Variants in SLC4A5 observed in about 807,000 individuals in gnomAD.
SLC4A5 encodes solute carrier family 4 member 5.
A neutral mutation model predicts 120.4 loss-of-function variants in SLC4A5; 96 were observed. The observed-to-expected ratio is 0.80, with a 90% CI of 0.68 to 0.94. SLC4A5 has a LOEUF of 0.94. Ranked by LOEUF, SLC4A5 falls within the 40% of genes least tolerant of loss-of-function variation. SLC4A5 has a pLI of 0.00. For missense variants in SLC4A5, 1,259 were observed against 1,459.5 expected (o/e 0.86, Z 2.24); for synonymous variants, 550 against 571.1 (o/e 0.96, Z 0.53).
intron 7 of SLC4A5, among the ~76,000 whole-genome samples, chr2:74,292,861 G>A (rs1672216381): frequency 6.6e-6 from 1 of 152,142 alleles, no homozygotes; most frequent in African/African-American, 2.4e-5. Context: ...CTCCCTGATG[G>A]GTGGCTACAC....
At chr2:74,221,579 T>G in intron 29 of SLC4A5, 78 bp from the exon 30 acceptor site, 5 of 1,412,624 alleles carry the variant, frequency 3.5e-6, no homozygotes, top group Non-Finnish European at 5.0e-6. Context: ...CACCATTTCC[T>G]TTCTTTTCCT....
chr2:74,244,466 T>TTCTC (rs1431623491), intron 19 of SLC4A5, among the ~76,000 whole-genome samples: 1 of 69,390 alleles, frequency 1.4e-5, no homozygotes, highest in Non-Finnish European at 2.6e-5. Flanking sequence ...TTCCTTTTCT[T>TTCTC]TCTCTTTCTT....
intron 8 of SLC4A5, among the ~76,000 whole-genome samples, chr2:74,268,843 TTTCC>T (rs1424646615): frequency 1.3e-5 from 2 of 152,264 alleles, no homozygotes; most frequent in Non-Finnish European, 2.9e-5. Context: ...TTGAACATCT[TTTCC>T]TTCATCAGAT....
At chr2:74,229,252 T>C (rs1016643853) in intron 25 of SLC4A5, among the ~76,000 whole-genome samples, 4 of 138,478 alleles carry the variant, frequency 2.9e-5, no homozygotes, top group Admixed American at 2.8e-4. Flanking sequence ...AAGGTGTTTT[T>C]TTTTTTTGGG....
chr2:74,242,538 A>G (rs1423158496), intron 19 of SLC4A5, among the ~76,000 whole-genome samples: 3 of 152,170 alleles, frequency 2.0e-5, no homozygotes, highest in Non-Finnish European at 2.9e-5. Context: ...GAGGTTATGT[A>G]ATTCATCCAA....
chr2:74,248,940 C>T (rs1262828262), intron 17 of SLC4A5, among the ~76,000 whole-genome samples: 1 of 152,220 alleles, frequency 6.6e-6, no homozygotes, highest in Non-Finnish European at 1.5e-5. Flanking sequence ...GATAACATAT[C>T]TTCATTCCAG....
intron 5 of SLC4A5, among the ~76,000 whole-genome samples, chr2:74,326,103 A>G (rs1250582156): frequency 9.2e-5 from 14 of 152,312 alleles, no homozygotes; most frequent in South Asian, 2.1e-4. Context: ...TGGTATTATA[A>G]TAAGTCCCTC....
intron 7 of SLC4A5, among the ~76,000 whole-genome samples, chr2:74,291,101 C>T (rs1672152585): frequency 6.6e-6 from 1 of 152,126 alleles, no homozygotes; most frequent in South Asian, 2.1e-4. Context: ...TGCTATGTAG[C>T]TGGTTTCTTT....
At chr2:74,236,191 T>C (rs1329620576) in intron 21 of SLC4A5, among the ~76,000 whole-genome samples, 1 of 152,216 alleles carries the variant, frequency 6.6e-6, no homozygotes, top group Non-Finnish European at 1.5e-5. Flanking sequence ...GTTCCCTCCA[T>C]GTCATTAACT....
intron 14 of SLC4A5, among the ~76,000 whole-genome samples, chr2:74,254,162 T>C (rs949618620): frequency 6.6e-6 from 1 of 152,196 alleles, no homozygotes; most frequent in Non-Finnish European, 1.5e-5. Flanking sequence ...TCAGCTCTGC[T>C]TACAGGCTCT....
At chr2:74,235,038 G>C (rs1233336219) in intron 22 of SLC4A5, 63 bp downstream of exon 22, 11 of 1,304,002 alleles carry the variant, frequency 8.4e-6, no homozygotes, top group Non-Finnish European at 1.2e-5. Flanking sequence ...AGCACAGAGG[G>C]GAAAGAATCT....
At position 74,262,010 on chromosome 2, in the gene SLC4A5, C is replaced by T. The variant is rs570712999; in HGVS notation, c.811+127G>A. On this transcript the variant is annotated intron_variant, in intron 11 of 30. Transcript: ENST00000394019. ...GTTTAGAGTGAAAGTTAGGCTCCTC[C>T]TGATGCATGCCCTGAGAATTCTTGG... The T allele has an allele frequency of 1.1e-5, 9 of 782,720 alleles. No individual in the cohort carries two copies. In the African/African-American group the frequency reaches 1.4e-4, roughly 12 times the overall value. 48.5% of individuals were successfully genotyped at this position (782,720 alleles called of 1,614,324 possible).
At chr2:74,308,206 T>C (rs766756417) in intron 6 of SLC4A5, among the ~76,000 whole-genome samples, 5 of 152,264 alleles carry the variant, frequency 3.3e-5, no homozygotes, top group Non-Finnish European at 5.9e-5. Flanking sequence ...TAGGCTTCTA[T>C]GTGAACATAA....
intron 6 of SLC4A5, among the ~76,000 whole-genome samples, chr2:74,310,270 C>G (rs1413900110): frequency 6.6e-6 from 1 of 152,090 alleles, no homozygotes; most frequent in Non-Finnish European, 1.5e-5. Flanking sequence ...TTTCTTCTTT[C>G]CCAAACTATA....
chr2:74,323,581 G>A (rs1010782291), intron 5 of SLC4A5, among the ~76,000 whole-genome samples: 2 of 151,948 alleles, frequency 1.3e-5, no homozygotes, highest in African/African-American at 4.8e-5. Flanking sequence ...AGCCACTCAG[G>A]GAAAAAATGA....
At chr2:74,291,760 A>AG (rs1672180230) in intron 7 of SLC4A5, among the ~76,000 whole-genome samples, 1 of 152,208 alleles carries the variant, frequency 6.6e-6, no homozygotes, top group Non-Finnish European at 1.5e-5. Flanking sequence ...GTGAGCCATC[A>AG]CACGTGGCCA....
chr2:74,253,369 G>A (rs910930305), intron 14 of SLC4A5, among the ~76,000 whole-genome samples: 32 of 152,312 alleles, frequency 2.1e-4, no homozygotes, highest in African/African-American at 7.7e-4. Context: ...ATTCTTGCTT[G>A]TAGGACTTCG....
chr2:74,304,549 T>G (rs1672577486), exon 7 of SLC4A5: 2 of 1,614,146 alleles, frequency 1.2e-6, no homozygotes, highest in Non-Finnish European at 1.7e-6. Context: ...CCTGGGCCAG[T>G]CAGTTCCTGC....
At chr2:74,241,961 C>T (rs1670462546) in intron 20 of SLC4A5, 33 bp downstream of exon 20, 2 of 1,588,086 alleles carry the variant, frequency 1.3e-6, no homozygotes, top group African/African-American at 1.3e-5. Context: ...AACAAAAGCA[C>T]TCAAATGTCT....
Sources: allele counts gnomAD v4.1 joint callset (sites outside exome capture counted in the v4.1 genomes callset), GRCh38; gene constraint gnomAD v4.1.1; transcripts MANE v1.5; gene names NCBI Gene and HGNC (gene_info 2026-07-23, HGNC 2026-07-21).